Variants in MSRA observed in about 807,000 individuals in gnomAD.
The protein encoded by MSRA is mitochondrial peptide methionine sulfoxide reductase.
A neutral mutation model predicts 31.3 loss-of-function variants in MSRA; 54 were observed. The observed-to-expected ratio is 1.73, with a 90% CI of 1.39 to 2.17. The LOEUF (loss-of-function observed/expected upper bound fraction) is 2.17, where lower values mean the gene tolerates loss of function less well. Ranked by LOEUF, MSRA falls within the 30% of genes most tolerant of loss-of-function variation. The pLI is 0.00. For synonymous variants in MSRA, 169 were observed against 116.5 expected (o/e 1.45, Z -2.90); for missense variants, 507 against 300.9 (o/e 1.69, Z -5.07).
intron 5 of MSRA, among the ~76,000 whole-genome samples, chr8:10,366,305 A>G (rs1805161356): frequency 6.6e-6 from 1 of 152,222 alleles, no homozygotes; most frequent in African/African-American, 2.4e-5. Flanking sequence ...TTTATACCAA[A>G]GACACCTGCC....
At chr8:10,218,116 A>G (rs561846945) in intron 2 of MSRA, among the ~76,000 whole-genome samples, 1 of 45,268 alleles carries the variant, frequency 2.2e-5, no homozygotes, top group Non-Finnish European at 5.9e-5. Context: ...TTCCTTTTCT[A>G]TTTATTTATT....
intron 2 of MSRA, among the ~76,000 whole-genome samples, chr8:10,217,934 C>T (rs1305162942): frequency 2.0e-5 from 3 of 151,692 alleles, no homozygotes; most frequent in African/African-American, 7.3e-5. Context: ...TCTCTCTTTC[C>T]CTTGCTATTT....
intron 5 of MSRA, among the ~76,000 whole-genome samples, chr8:10,331,670 C>G (rs1802710275): frequency 6.6e-6 from 1 of 152,120 alleles, no homozygotes; most frequent in Non-Finnish European, 1.5e-5. Flanking sequence ...CCTTCGGTAT[C>G]CAATGGGGAT....
intron 5 of MSRA, among the ~76,000 whole-genome samples, chr8:10,329,645 C>T (rs1275967879): frequency 6.6e-6 from 1 of 152,132 alleles, no homozygotes; most frequent in Non-Finnish European, 1.5e-5. Flanking sequence ...ATCTGGTCTC[C>T]AACCTGCCAG....
chr8:10,417,996 C>T (rs950956996), intron 5 of MSRA, among the ~76,000 whole-genome samples: 1 of 152,158 alleles, frequency 6.6e-6, no homozygotes, highest in East Asian at 1.9e-4. Flanking sequence ...AGCAGCTGTG[C>T]TGGCTCCCGG....
At chr8:10,276,396 C>T (rs1242023203) in intron 3 of MSRA, among the ~76,000 whole-genome samples, 1 of 152,214 alleles carries the variant, frequency 6.6e-6, no homozygotes, top group Non-Finnish European at 1.5e-5. Context: ...GTTTTGGTTG[C>T]ATCCTGAAAA....
intron 5 of MSRA, among the ~76,000 whole-genome samples, chr8:10,339,927 G>T (rs1415932645): frequency 6.6e-6 from 1 of 152,072 alleles, no homozygotes; most frequent in Admixed American, 6.5e-5. Flanking sequence ...CTGTTCTCAG[G>T]CCCTACCCCA....
At chr8:10,137,856 A>T (rs558796900) in intron 1 of MSRA, among the ~76,000 whole-genome samples, 2 of 152,196 alleles carry the variant, frequency 1.3e-5, no homozygotes, top group African/African-American at 4.8e-5. Context: ...ACAAAGTTTT[A>T]TTACTGTAGA....
At chr8:10,117,069 A>G (rs1247345155) in intron 1 of MSRA, among the ~76,000 whole-genome samples, 1 of 152,206 alleles carries the variant, frequency 6.6e-6, no homozygotes, top group Non-Finnish European at 1.5e-5. Flanking sequence ...CCATCTGCCC[A>G]GAGCAACTAT....
intron 1 of MSRA, among the ~76,000 whole-genome samples, chr8:10,117,073 C>T (rs1037207446): frequency 9.9e-5 from 15 of 152,136 alleles, no homozygotes; most frequent in African/African-American, 2.9e-4. Flanking sequence ...CTGCCCAGAG[C>T]AACTATGCAG....
At chr8:10,117,656 A>G (rs570658842) in intron 1 of MSRA, among the ~76,000 whole-genome samples, 24 of 152,336 alleles carry the variant, frequency 1.6e-4, no homozygotes, top group African/African-American at 4.1e-4. Flanking sequence ...AGTGAAAACA[A>G]TATGTGGACT....
chr8:10,386,439 C>T (rs553054799), intron 5 of MSRA, among the ~76,000 whole-genome samples: 1 of 152,180 alleles, frequency 6.6e-6, no homozygotes, highest in Non-Finnish European at 1.5e-5. Flanking sequence ...ATGATGTTCA[C>T]TGGAGCATCA....
At chr8:10,058,279 T>C (rs1802507092) in intron 1 of MSRA, among the ~76,000 whole-genome samples, 1 of 152,146 alleles carries the variant, frequency 6.6e-6, no homozygotes, top group South Asian at 2.1e-4. Flanking sequence ...ACTAATGACA[T>C]TTGTAAACAA....
At chr8:10,280,551 C>T (rs775040490) in intron 3 of MSRA, among the ~76,000 whole-genome samples, 14 of 152,218 alleles carry the variant, frequency 9.2e-5, no homozygotes, top group Admixed American at 2.0e-4. Context: ...ATATTTGTAA[C>T]CCTCATACAC....
chr8:10,123,531 A>G (rs369548693), intron 1 of MSRA, among the ~76,000 whole-genome samples: 1 of 152,006 alleles, frequency 6.6e-6, no homozygotes, highest in Admixed American at 6.5e-5. Flanking sequence ...ATTAGATCCC[A>G]TTTGTCAATT....
At chr8:10,319,481 C>T (rs1438693321) in intron 4 of MSRA, among the ~76,000 whole-genome samples, 1 of 152,122 alleles carries the variant, frequency 6.6e-6, no homozygotes, top group Non-Finnish European at 1.5e-5. Context: ...CCTCATCCAC[C>T]AAGGGAGGGA....
At chr8:10,277,806 C>T (rs1249149959) in intron 3 of MSRA, among the ~76,000 whole-genome samples, 2 of 151,382 alleles carry the variant, frequency 1.3e-5, no homozygotes, top group African/African-American at 2.4e-5. Flanking sequence ...TGCATATGCT[C>T]ATTAGCTTGA....
At chr8:10,140,532 C>T (rs1049256444) in intron 1 of MSRA, among the ~76,000 whole-genome samples, 123 of 152,126 alleles carry the variant, frequency 8.1e-4, no homozygotes, top group Admixed American at 7.9e-3. Flanking sequence ...AATAAATTCA[C>T]GTTTTAGCAT....
intron 1 of MSRA, among the ~76,000 whole-genome samples, chr8:10,139,707 G>A (rs1032122088): frequency 6.6e-6 from 1 of 152,196 alleles, no homozygotes; most frequent in Non-Finnish European, 1.5e-5. Context: ...TCTTGGCTGA[G>A]TAGTAGTCCA....
Sources: gnomAD v4.1 joint callset for allele counts (sites outside exome capture counted in the v4.1 genomes callset) on GRCh38, gnomAD v4.1.1 for gene constraint, MANE v1.5 for transcripts, NCBI Gene and HGNC (gene_info 2026-07-23, HGNC 2026-07-21) for gene names.